The following CNTNAP2 variants were observed in gnomAD, a reference collection of about 807,000 sequenced individuals.
CNTNAP2 encodes the protein contactin associated protein 2.
CNTNAP2 carries 98 observed loss-of-function variants against 155.2 expected under a neutral mutation model. The observed-to-expected ratio is 0.63, with a 90% CI of 0.54 to 0.75. CNTNAP2 has a LOEUF of 0.75. Among genes scored for constraint, CNTNAP2 ranks in the 30% least tolerant of loss-of-function variants. The probability of loss-of-function intolerance (pLI) is 0.00; values close to 1 mark genes in which losing one functional copy is unlikely to be tolerated. For synonymous variants in CNTNAP2, 651 were observed against 631.2 expected (o/e 1.03, Z -0.47); for missense variants, 1,727 against 1,688.1 (o/e 1.02, Z -0.40).
chr7:147,425,163 G>T (rs73158360), intron 10 of CNTNAP2, among the ~76,000 whole-genome samples: 14 of 147,788 alleles, frequency 9.5e-5, no homozygotes, highest in Admixed American at 1.4e-4. Context: ...AATTGTTTTC[G>T]TTTTCAGATG....
intron 1 of CNTNAP2, among the ~76,000 whole-genome samples, chr7:146,575,691 GA>G (rs1225830616): frequency 6.6e-6 from 1 of 152,132 alleles, no homozygotes; most frequent in African/African-American, 2.4e-5. Context: ...TTGTCAGTGG[GA>G]ACAAAGTTTG....
chr7:147,351,591 T>C (rs1795968814), intron 9 of CNTNAP2, among the ~76,000 whole-genome samples: 1 of 151,836 alleles, frequency 6.6e-6, no homozygotes, highest in Admixed American at 6.6e-5. Flanking sequence ...TAGAAAACAG[T>C]GTTAAATATA....
At chr7:147,445,830 T>C (rs1797726666) in intron 10 of CNTNAP2, among the ~76,000 whole-genome samples, 1 of 152,122 alleles carries the variant, frequency 6.6e-6, no homozygotes, top group East Asian at 1.9e-4. Flanking sequence ...GGTCTTGCTC[T>C]GTCACTCAGG....
At chr7:146,765,830 G>A (rs1396253761) in intron 1 of CNTNAP2, among the ~76,000 whole-genome samples, 2 of 152,162 alleles carry the variant, frequency 1.3e-5, no homozygotes, top group Non-Finnish European at 2.9e-5. Flanking sequence ...AGAGTGGAAA[G>A]GAACCAGCTC....
intron 13 of CNTNAP2, among the ~76,000 whole-genome samples, chr7:147,690,197 G>A (rs911056384): frequency 3.3e-5 from 5 of 152,026 alleles, no homozygotes; most frequent in South Asian, 4.1e-4. Context: ...TACCTTGCTC[G>A]GCTGGCAGTT....
rs574673209 is a variant in CNTNAP2, at chr7:147,850,249, G to A, written c.2099-53316G>A. On this transcript the variant is annotated intron_variant, in intron 13 of 23. Transcript: ENST00000361727. Reference sequence around the variant, plus strand: ...TCTTCAAGGAGAACTACAAACCACTGCTCAGCGAAATAAAAGAGGACACAA... The same window carrying A: ...TCTTCAAGGAGAACTACAAACCACTACTCAGCGAAATAAAAGAGGACACAA... Among the ~76,000 whole-genome samples the A allele has an allele frequency of 1.8e-4, 27 of 152,284 alleles. No homozygotes were observed. The East Asian group carries it at 5.0e-3, about 28-fold the overall frequency.
intron 21 of CNTNAP2, among the ~76,000 whole-genome samples, chr7:148,318,670 C>G (rs1259613301): frequency 6.6e-6 from 1 of 152,144 alleles, no homozygotes; most frequent in African/African-American, 2.4e-5. Flanking sequence ...ATTGTAGGAA[C>G]ACTGTTAACC....
intron 17 of CNTNAP2, among the ~76,000 whole-genome samples, chr7:148,148,088 G>A (rs1344527407): frequency 6.9e-6 from 1 of 144,510 alleles, no homozygotes; most frequent in East Asian, 2.3e-4. Context: ...GGAAGGAAGG[G>A]AGAGAGGGAG....
intron 11 of CNTNAP2, among the ~76,000 whole-genome samples, chr7:147,554,520 AC>A (rs1282232157): frequency 2.0e-5 from 3 of 151,254 alleles, no homozygotes; most frequent in Non-Finnish European, 2.9e-5. Flanking sequence ...GCTTTCAGAA[AC>A]TTTTTGAAGG....
chr7:147,167,330 C>T, intron 8 of CNTNAP2: 2 of 568,106 alleles, frequency 3.5e-6, no homozygotes, highest in Admixed American at 3.7e-5. Context: ...GCTATTATAA[C>T]ACTGACTGTT....
At chr7:146,838,286 C>G (rs1272876034) in intron 2 of CNTNAP2, among the ~76,000 whole-genome samples, 1 of 152,026 alleles carries the variant, frequency 6.6e-6, no homozygotes, top group African/African-American at 2.4e-5. Context: ...TGCCCATTGT[C>G]CAGTCCCTAA....
rs1448935594 is a variant in CNTNAP2, at chr7:148,139,335, A to C, written c.2555-8156A>C. On this transcript the variant is annotated intron_variant, in intron 16 of 23. Transcript: ENST00000361727. The stretch of plus-strand genomic sequence containing the variant: ...ACTAAAACTATACTAAAAGAAAAAT[A>C]GGTCATTTTTTATTTCCTTCATAAT... Among the ~76,000 whole-genome samples the C allele has an allele frequency of 2.0e-5, 3 of 152,246 alleles. No homozygotes were observed. The East Asian group carries it at 5.8e-4, about 29-fold the overall frequency.
chr7:148,369,068 A>C (rs976443177), intron 21 of CNTNAP2, among the ~76,000 whole-genome samples: 1 of 152,048 alleles, frequency 6.6e-6, no homozygotes, highest in South Asian at 2.1e-4. Flanking sequence ...ACAAACATTA[A>C]TAAGACATTG....
Position 148,016,122 on chromosome 7 carries a change from A to T in CNTNAP2, c.2383+38133A>T, listed in dbSNP as rs146318574. 2.5e-3 allele frequency among the ~76,000 whole-genome samples: 379 copies of T among 152,326 alleles called. 2 individuals carry two copies. The highest frequency in any genetic ancestry group is 8.9e-3 in the African/African-American group (370 of 41,580). On this transcript the variant is annotated intron_variant, in intron 15 of 23. Transcript: ENST00000361727. ...CAAATGTTAAAGCACATGCCCTGGCAATTCGGGCACCAGTTTTGAATGAAG... is the reference window on the plus strand; with the variant it reads ...CAAATGTTAAAGCACATGCCCTGGCTATTCGGGCACCAGTTTTGAATGAAG...
chr7:147,075,150 A>G (rs1799970986), intron 4 of CNTNAP2, among the ~76,000 whole-genome samples: 1 of 152,212 alleles, frequency 6.6e-6, no homozygotes, highest in South Asian at 2.1e-4. Context: ...GATACATGGG[A>G]ATAAAAATTC....
chr7:146,831,491 C>A (rs1406477523), intron 2 of CNTNAP2, among the ~76,000 whole-genome samples: 1 of 151,770 alleles, frequency 6.6e-6, no homozygotes, highest in East Asian at 1.9e-4. Context: ...GCTTAGTCAA[C>A]ATGGTGAAAC....
chr7:146,446,392 G>GAAACCCCTTTCTTC (rs151181878), intron 1 of CNTNAP2, among the ~76,000 whole-genome samples: 5,406 of 152,060 alleles, frequency 0.036, 340 homozygotes, highest in African/African-American at 0.12. Context: ...CTACAATATG[G>GAAACCCCTTTCTTC]AATGCCCAAG....
At chr7:146,505,635 G>A (rs1427716740) in intron 1 of CNTNAP2, among the ~76,000 whole-genome samples, 1 of 152,186 alleles carries the variant, frequency 6.6e-6, no homozygotes, top group African/African-American at 2.4e-5. Flanking sequence ...CATACTATAG[G>A]CTCTCCCTGC....
intron 3 of CNTNAP2, among the ~76,000 whole-genome samples, chr7:147,002,944 CAAAAAAAAAAAA>C (rs773401142): frequency 3.2e-4 from 17 of 52,940 alleles, no homozygotes; most frequent in East Asian, 1.1e-3. Flanking sequence ...ATGTTCCTTC[CAAAAAAAAAAAA>C]AAAAAAAAAA....
Sources: allele counts gnomAD v4.1 joint callset (sites outside exome capture counted in the v4.1 genomes callset), GRCh38; gene constraint gnomAD v4.1.1; transcripts MANE v1.5; gene names NCBI Gene and HGNC (gene_info 2026-07-23, HGNC 2026-07-21).